The following SGCZ variants were observed in gnomAD, a reference collection of about 807,000 sequenced individuals.
SGCZ encodes sarcoglycan zeta, also known as zeta-sarcoglycan.
In SGCZ, 40 loss-of-function variants were observed where a neutral mutation model predicts 41.3. The observed-to-expected ratio is 0.97, with a 90% confidence interval of 0.75 to 1.26. SGCZ has a LOEUF of 1.26. SGCZ is among the 50% of genes most tolerant of loss of function. The pLI is 0.00. For missense variants in SGCZ, 552 were observed against 369.8 expected, an observed-to-expected ratio of 1.49 and a Z score of -4.04; for synonymous variants, 206 against 137.5, an observed-to-expected ratio of 1.50 and a Z score of -3.49.
In SGCZ at chr8:14,148,783, C is replaced by A. The variant is rs182888416; in HGVS notation, c.547+15797G>T. ...ATCTGATGAATATTGATGCAAAAATCTTCCATAAAATACTAGCAAACTGAA... is the reference window on the plus strand; with the variant it reads ...ATCTGATGAATATTGATGCAAAAATATTCCATAAAATACTAGCAAACTGAA... On this transcript the variant is annotated intron_variant, in intron 5 of 7. Transcript: ENST00000382080. Among the ~76,000 whole-genome samples the A allele has an allele frequency of 8.9e-3, 1,357 of 152,106 alleles. 57 individuals are homozygous for A. The highest frequency in any genetic ancestry group is 0.08 in the Admixed American group (1,227 of 15,274).
At chr8:14,895,827 C>A (rs955176194) in intron 1 of SGCZ, among the ~76,000 whole-genome samples, 2 of 152,162 alleles carry the variant, frequency 1.3e-5, no homozygotes, top group Admixed American at 6.5e-5. Context: ...ATATCTAATG[C>A]TGAGCCTCAC....
At chr8:14,846,722 A>AAAAAAAAAAAAAC (rs1803123466) in intron 1 of SGCZ, among the ~76,000 whole-genome samples, 1 of 131,832 alleles carries the variant, frequency 7.6e-6, no homozygotes, top group Admixed American at 7.7e-5. Flanking sequence ...AAAAAAAAAA[A>AAAAAAAAAAAAAC]AAAAAAGTCA....
intron 3 of SGCZ, among the ~76,000 whole-genome samples, chr8:14,312,697 G>C (rs1293495297): frequency 6.6e-6 from 1 of 151,944 alleles, no homozygotes; most frequent in African/African-American, 2.4e-5. Context: ...AAGAGGAGCA[G>C]GAAGAGGAGG....
At chr8:14,162,497 A>G (rs1804076340) in intron 5 of SGCZ, 1 of 152,218 alleles carries the variant, frequency 6.6e-6, no homozygotes. Flanking sequence ...TCAGGGCCCT[A>G]CAACTAATGT....
chr8:14,968,068 T>C (rs1801177081), intron 1 of SGCZ, among the ~76,000 whole-genome samples: 1 of 152,176 alleles, frequency 6.6e-6, no homozygotes, highest in Admixed American at 6.6e-5. Flanking sequence ...CAAAGCTATA[T>C]AATAAGCATA....
At chr8:14,393,930 T>C (rs1312549788) in intron 2 of SGCZ, among the ~76,000 whole-genome samples, 1 of 152,220 alleles carries the variant, frequency 6.6e-6, no homozygotes, top group African/African-American at 2.4e-5. Flanking sequence ...TTCAAATTTC[T>C]GACCATATTT....
chr8:14,177,958 C>CTTTTTTTTTCTT (rs1804601939), intron 4 of SGCZ, among the ~76,000 whole-genome samples: 1 of 95,048 alleles, frequency 1.1e-5, no homozygotes, highest in Non-Finnish European at 2.1e-5. Flanking sequence ...CTTTTTTTTT[C>CTTTTTTTTTCTT]TTTTTTTTTT....
intron 1 of SGCZ, among the ~76,000 whole-genome samples, chr8:15,199,107 C>T (rs548462910): frequency 9.5e-4 from 145 of 152,326 alleles, no homozygotes; most frequent in African/African-American, 3.4e-3. Flanking sequence ...TTTTTAGGAA[C>T]ATCAACTTCG....
intron 1 of SGCZ, among the ~76,000 whole-genome samples, chr8:15,041,808 T>C (rs1458154551): frequency 6.6e-6 from 1 of 151,780 alleles, no homozygotes; most frequent in Non-Finnish European, 1.5e-5. Context: ...CAATGAAATA[T>C]GTAAATCAGA....
intron 1 of SGCZ, among the ~76,000 whole-genome samples, chr8:15,155,147 C>T (rs75345317): frequency 0.22 from 33,082 of 151,800 alleles, 4,137 homozygotes; most frequent in East Asian, 0.54. Context: ...ACAGAAAAAT[C>T]AGCTGAGTGT....
chr8:14,945,199 G>GAT (rs1450013046), intron 1 of SGCZ, among the ~76,000 whole-genome samples: 1 of 151,964 alleles, frequency 6.6e-6, no homozygotes, highest in East Asian at 1.9e-4. Flanking sequence ...TAATCCTTAT[G>GAT]ATACATTTAC....
intron 1 of SGCZ, among the ~76,000 whole-genome samples, chr8:15,223,868 ATTTAT>A (rs1477884038): frequency 1.3e-5 from 2 of 151,766 alleles, no homozygotes. Context: ...TTATTTATTT[ATTTAT>A]TTATTTATTG....
chr8:14,359,925 T>C (rs1021654109), intron 2 of SGCZ, among the ~76,000 whole-genome samples: 8 of 152,032 alleles, frequency 5.3e-5, no homozygotes, highest in East Asian at 1.9e-4. Flanking sequence ...TCATGACCCA[T>C]TGGGATTTAT....
intron 2 of SGCZ, among the ~76,000 whole-genome samples, chr8:14,413,808 C>G (rs549739096): frequency 1.3e-5 from 2 of 151,954 alleles, no homozygotes; most frequent in Non-Finnish European, 2.9e-5. Flanking sequence ...CCCATTCATA[C>G]ATATATGGTT....
chr8:14,485,802 T>C (rs1801654873), intron 2 of SGCZ, among the ~76,000 whole-genome samples: 1 of 151,344 alleles, frequency 6.6e-6, no homozygotes, highest in East Asian at 1.9e-4. Context: ...GGACATACGC[T>C]GTTTAACTAC....
chr8:14,689,079 C>A (rs1220389603), intron 1 of SGCZ, among the ~76,000 whole-genome samples: 1 of 152,048 alleles, frequency 6.6e-6, no homozygotes, highest in Admixed American at 6.6e-5. Context: ...TATAATAGTT[C>A]TTTTCTATGT....
chr8:14,634,124 T>C (rs1160311927), intron 1 of SGCZ, among the ~76,000 whole-genome samples: 1 of 151,860 alleles, frequency 6.6e-6, no homozygotes, highest in African/African-American at 2.4e-5. Context: ...TCTACTGTGA[T>C]ATTCTATTTC....
In SGCZ at chr8:14,700,941, G is replaced by C. The variant is rs377558733; in HGVS notation, c.40-146015C>G. Among the ~76,000 whole-genome samples the C allele has an allele frequency of 1.4e-4, 22 of 151,946 alleles. 1 individual carries two copies. The highest frequency in any genetic ancestry group is 1.1e-3 in the Admixed American group (17 of 15,216). On this transcript the variant is annotated intron_variant, in intron 1 of 7. Coordinates refer to ENST00000382080, the MANE Select transcript of SGCZ (RefSeq NM_139167.4). ...GGGGAAGGTTAGTAGGTAGGTGAAA[G>C]AAAGAAGAAATATAAAGAGGCTCAC...
chr8:14,567,644 T>A (rs1361276510), intron 1 of SGCZ, among the ~76,000 whole-genome samples: 1 of 152,110 alleles, frequency 6.6e-6, no homozygotes, highest in African/African-American at 2.4e-5. Context: ...TTCCACAGTG[T>A]GGAGGGTTTG....
Sources: gnomAD v4.1 joint callset for allele counts (sites outside exome capture counted in the v4.1 genomes callset) on GRCh38, gnomAD v4.1.1 for gene constraint, MANE v1.5 for transcripts, NCBI Gene and HGNC (gene_info 2026-07-23, HGNC 2026-07-21) for gene names.